The following MAGI1 variants were observed in gnomAD, a reference collection of about 807,000 sequenced individuals.
MAGI1 encodes the protein membrane associated guanylate kinase, WW and PDZ domain containing 1.
Under a neutral mutation model 139.9 loss-of-function variants are expected in MAGI1, and 58 were observed. The observed-to-expected ratio is 0.41, with a 90% CI of 0.34 to 0.52. The LOEUF is 0.52. MAGI1 is among the 20% of genes least tolerant of loss of function. The pLI, the probability that MAGI1 is intolerant of heterozygous loss-of-function variation, is 0.12. For synonymous variants in MAGI1, 812 were observed against 737.9 expected (o/e 1.10, Z -1.63); for missense variants, 1,874 against 1,901.6 (o/e 0.99, Z 0.27).
At chr3:65,635,566 G>C (rs920767215) in intron 1 of MAGI1, among the ~76,000 whole-genome samples, 1 of 152,168 alleles carries the variant, frequency 6.6e-6, no homozygotes, top group Non-Finnish European at 1.5e-5. Flanking sequence ...ACTCAGCCAA[G>C]GCATAAGAGC....
At chr3:65,606,757 A>G (rs1344518941) in intron 2 of MAGI1, among the ~76,000 whole-genome samples, 1 of 152,116 alleles carries the variant, frequency 6.6e-6, no homozygotes, top group Non-Finnish European at 1.5e-5. Flanking sequence ...ACCTTAAGTG[A>G]TCCACCCGCC....
chr3:65,484,330 T>A (rs566419083), intron 3 of MAGI1, among the ~76,000 whole-genome samples: 4 of 152,242 alleles, frequency 2.6e-5, no homozygotes, highest in South Asian at 2.1e-4. Flanking sequence ...TTGGGGGTAC[T>A]TGTCTGTCTT....
intron 1 of MAGI1, among the ~76,000 whole-genome samples, chr3:65,845,643 A>G (rs561249442): frequency 3.9e-5 from 6 of 152,280 alleles, no homozygotes; most frequent in Admixed American, 2.0e-4. Flanking sequence ...TCACAACTGC[A>G]CCAATTTCAT....
intron 1 of MAGI1, among the ~76,000 whole-genome samples, chr3:65,724,478 T>C (rs2033391955): frequency 6.6e-6 from 1 of 152,216 alleles, no homozygotes; most frequent in Non-Finnish European, 1.5e-5. Flanking sequence ...ATCAGATAAA[T>C]CTATACTGCC....
intron 1 of MAGI1, among the ~76,000 whole-genome samples, chr3:65,763,513 C>A (rs1337406769): frequency 6.6e-6 from 1 of 152,110 alleles, no homozygotes; most frequent in Non-Finnish European, 1.5e-5. Flanking sequence ...CATCACTTAT[C>A]AAGCACTTTT....
rs758170584 is a variant in MAGI1, at chr3:65,379,468, T to G, written c.2788A>C (p.Thr930Pro). Residue 930 changes from threonine (T) to proline (P), a missense_variant, in exon 17 of 23, where the codon ACT (threonine) becomes CCT (proline). This residue lies in a region of MAGI1 where 482 missense variants were observed against 509.6 expected (regional missense o/e 0.95). Transcript: ENST00000402939. ...QPASLTEEKR[T>P]PQGSQNSLNT... ...AGCGAGTTCTGGCTGCCCTGCGGAG[T>G]GCGCTTCTCTTCTGTCAGCGAGGCC... 1 of 1,613,914 alleles carries G rather than the reference T, an allele frequency of 6.2e-7. No homozygotes were observed. The highest frequency in any genetic ancestry group is 8.5e-7 in the Non-Finnish European group (1 of 1,179,914).
intron 8 of MAGI1, among the ~76,000 whole-genome samples, chr3:65,440,421 A>C (rs6771304): frequency 0.68 from 103,832 of 151,930 alleles, 36,084 homozygotes; most frequent in East Asian, 0.95. Context: ...CACTGACCCC[A>C]CTCCAAATGT....
chr3:65,529,317 C>T (rs932930107), intron 2 of MAGI1, among the ~76,000 whole-genome samples: 2 of 152,120 alleles, frequency 1.3e-5, no homozygotes, highest in African/African-American at 2.4e-5. Flanking sequence ...AGTTCTGGAA[C>T]ATTTCATCAC....
At chr3:65,619,808 T>A in intron 2 of MAGI1, 1 of 972,128 alleles carries the variant, frequency 1.0e-6, no homozygotes. Flanking sequence ...CTCTTCTGAA[T>A]TTCCTTCCCA....
intron 1 of MAGI1, among the ~76,000 whole-genome samples, chr3:65,929,613 G>C (rs1278947683): frequency 6.6e-6 from 1 of 152,032 alleles, no homozygotes; most frequent in Non-Finnish European, 1.5e-5. Flanking sequence ...GATTACAGGC[G>C]TGAGCCACCG....
intron 1 of MAGI1, among the ~76,000 whole-genome samples, chr3:65,658,078 G>C (rs926090910): frequency 1.3e-5 from 2 of 152,156 alleles, no homozygotes; most frequent in African/African-American, 4.8e-5. Context: ...AAAATGATGT[G>C]GAAGTCACAC....
At chr3:65,531,809 A>T (rs977590529) in intron 2 of MAGI1, among the ~76,000 whole-genome samples, 5 of 152,254 alleles carry the variant, frequency 3.3e-5, no homozygotes, top group Non-Finnish European at 5.9e-5. Flanking sequence ...TAAAATGAGA[A>T]TAAATAGAAC....
chr3:65,645,493 A>C (rs186018740), intron 1 of MAGI1, among the ~76,000 whole-genome samples: 215 of 152,290 alleles, frequency 1.4e-3, no homozygotes, highest in Non-Finnish European at 2.2e-3. Context: ...TCAGGTAACA[A>C]AAAATTAATA....
intron 2 of MAGI1, among the ~76,000 whole-genome samples, chr3:65,569,192 T>C (rs1049274763): frequency 1.6e-4 from 24 of 152,154 alleles, no homozygotes; most frequent in Middle Eastern, 3.4e-3. Context: ...AAAGGAAAAA[T>C]ATTGCATGAT....
At chr3:65,841,951 C>G (rs952404929) in intron 1 of MAGI1, among the ~76,000 whole-genome samples, 1 of 152,200 alleles carries the variant, frequency 6.6e-6, no homozygotes, top group African/African-American at 2.4e-5. Flanking sequence ...GGATCCTTAT[C>G]TATTTTGGTA....
chr3:65,612,449 C>T (rs974788386), intron 2 of MAGI1, among the ~76,000 whole-genome samples: 4 of 152,052 alleles, frequency 2.6e-5, no homozygotes, highest in Non-Finnish European at 5.9e-5. Flanking sequence ...CCCCTAAATA[C>T]ATTAGCATGT....
intron 12 of MAGI1, among the ~76,000 whole-genome samples, chr3:65,404,676 G>A (rs773372508): frequency 5.9e-5 from 9 of 152,116 alleles, no homozygotes; most frequent in Non-Finnish European, 1.3e-4. Flanking sequence ...ATTTATTTTA[G>A]CCCAAACTAT....
intron 1 of MAGI1, among the ~76,000 whole-genome samples, chr3:65,957,869 A>C (rs1422103131): frequency 1.3e-5 from 2 of 152,088 alleles, no homozygotes; most frequent in Non-Finnish European, 2.9e-5. Flanking sequence ...CCCAGGTTCA[A>C]GTGATTCTCC....
intron 18 of MAGI1, among the ~76,000 whole-genome samples, chr3:65,370,469 T>G (rs1046119554): frequency 3.9e-5 from 6 of 152,268 alleles, no homozygotes; most frequent in African/African-American, 7.2e-5. Context: ...GTTGTACCAG[T>G]TTTATGTTTA....
Sources: allele counts gnomAD v4.1 joint callset (sites outside exome capture counted in the v4.1 genomes callset), GRCh38; gene constraint gnomAD v4.1.1; regional missense constraint gnomAD v4.1.1; transcripts MANE v1.5; gene names NCBI Gene and HGNC (gene_info 2026-07-23, HGNC 2026-07-21).